EPHA6: variants seen among roughly 807,000 people sequenced by gnomAD.
The protein encoded by EPHA6 is ephrin type-A receptor 6.
Under a neutral mutation model 112.0 loss-of-function variants are expected in EPHA6, and 50 were observed. The ratio of observed to expected loss-of-function variants is 0.45; its 90% CI spans 0.36 to 0.56. The LOEUF is 0.56. Among genes scored for constraint, EPHA6 ranks in the 20% least tolerant of loss-of-function variants. The pLI, the probability that EPHA6 is intolerant of heterozygous loss-of-function variation, is 0.00. For missense variants in EPHA6, 1,280 were observed against 1,417.4 expected, an observed-to-expected ratio of 0.90 and a Z score of 1.56; for synonymous variants, 529 against 490.7, an observed-to-expected ratio of 1.08 and a Z score of -1.03.
chr3:96,996,422 C>T (rs967050117), intron 3 of EPHA6, among the ~76,000 whole-genome samples: 5 of 151,912 alleles, frequency 3.3e-5, no homozygotes, highest in South Asian at 2.1e-4. Flanking sequence ...TTTACTTTGC[C>T]GGATCCATTG....
At chr3:97,285,002 T>G (rs1306259100) in intron 5 of EPHA6, among the ~76,000 whole-genome samples, 1 of 152,124 alleles carries the variant, frequency 6.6e-6, no homozygotes. Context: ...CTAGTAGTTT[T>G]GGGAAATTTT....
At chr3:97,573,810 A>C (rs2093357039) in intron 11 of EPHA6, among the ~76,000 whole-genome samples, 1 of 152,158 alleles carries the variant, frequency 6.6e-6, no homozygotes, top group Non-Finnish European at 1.5e-5. Flanking sequence ...AGAGGGCAAA[A>C]TTAAGACCAA....
At chr3:97,016,930 T>C (rs376621574) in intron 3 of EPHA6, among the ~76,000 whole-genome samples, 10 of 152,216 alleles carry the variant, frequency 6.6e-5, no homozygotes, top group Admixed American at 1.3e-4. Flanking sequence ...TAGTAGAGCA[T>C]TGTTTGGATA....
intron 6 of EPHA6, among the ~76,000 whole-genome samples, chr3:97,411,317 G>A (rs2087700985): frequency 6.6e-6 from 1 of 151,776 alleles, no homozygotes; most frequent in Admixed American, 6.6e-5. Context: ...CTCTGACTGG[G>A]GCCAATACTG....
chr3:97,617,814 T>C (rs575803669), intron 13 of EPHA6, among the ~76,000 whole-genome samples: 1 of 152,208 alleles, frequency 6.6e-6, no homozygotes, highest in East Asian at 1.9e-4. Flanking sequence ...AGACTTAGAC[T>C]CCCACACAAT....
At chr3:96,864,539 G>T (rs1576177139) in intron 1 of EPHA6, among the ~76,000 whole-genome samples, 1 of 152,142 alleles carries the variant, frequency 6.6e-6, no homozygotes, top group East Asian at 1.9e-4. Flanking sequence ...CAGAGGATGG[G>T]GTAGGAAAGG....
chr3:97,191,139 T>C (rs548260561), intron 3 of EPHA6, among the ~76,000 whole-genome samples: 15 of 152,178 alleles, frequency 9.9e-5, no homozygotes, highest in Middle Eastern at 3.4e-3. Flanking sequence ...CAGTCCAAAC[T>C]GAGACAAATA....
intron 10 of EPHA6, among the ~76,000 whole-genome samples, chr3:97,494,778 A>C (rs566399849): frequency 6.6e-6 from 1 of 152,320 alleles, no homozygotes; most frequent in East Asian, 1.9e-4. Flanking sequence ...ACTTATACAA[A>C]GTAAACCTAA....
chr3:97,456,248 T>C (rs938053717), intron 7 of EPHA6, among the ~76,000 whole-genome samples: 1 of 152,124 alleles, frequency 6.6e-6, no homozygotes, highest in Non-Finnish European at 1.5e-5. Flanking sequence ...CTTTTGTTTC[T>C]TTTTTTAAAA....
At chr3:97,741,018 T>C (rs1432288344) in intron 16 of EPHA6, among the ~76,000 whole-genome samples, 1 of 152,034 alleles carries the variant, frequency 6.6e-6, no homozygotes, top group African/African-American at 2.4e-5. Context: ...ATATGAAAGA[T>C]GGATCAGGAG....
At chr3:97,407,491 T>C (rs1278948238) in intron 6 of EPHA6, among the ~76,000 whole-genome samples, 1 of 148,720 alleles carries the variant, frequency 6.7e-6, no homozygotes, top group African/African-American at 2.5e-5. Flanking sequence ...TGAGTGTGTT[T>C]GTGTGTGTGT....
At chr3:97,096,706 AT>A (rs1452665133) in intron 3 of EPHA6, among the ~76,000 whole-genome samples, 5 of 151,888 alleles carry the variant, frequency 3.3e-5, no homozygotes, top group Non-Finnish European at 7.4e-5. Flanking sequence ...TGATTCTTAA[AT>A]TTTCTTAAGT....
intron 2 of EPHA6, among the ~76,000 whole-genome samples, chr3:96,920,308 A>G (rs1430582013): frequency 6.6e-6 from 1 of 151,972 alleles, no homozygotes; most frequent in Non-Finnish European, 1.5e-5. Context: ...AAGAAAAGGT[A>G]CAGCAGATTT....
chr3:96,986,447 T>C (rs914721168), intron 2 of EPHA6, among the ~76,000 whole-genome samples: 2 of 152,174 alleles, frequency 1.3e-5, no homozygotes, highest in Non-Finnish European at 1.5e-5. Context: ...CTTCCTCAAA[T>C]ATACCTGTAC....
At chr3:97,628,955 T>C (rs1196262156) in intron 13 of EPHA6, among the ~76,000 whole-genome samples, 1 of 152,014 alleles carries the variant, frequency 6.6e-6, no homozygotes, top group African/African-American at 2.4e-5. Flanking sequence ...TTTATTTATT[T>C]ATTTGGAGCC....
At chr3:97,084,927 A>T (rs1315161340) in intron 3 of EPHA6, among the ~76,000 whole-genome samples, 1 of 152,182 alleles carries the variant, frequency 6.6e-6, no homozygotes, top group Admixed American at 6.5e-5. Context: ...GTGAGTCAAG[A>T]ATAATATTTT....
At chr3:97,700,815 C>G (rs992509089) in intron 14 of EPHA6, among the ~76,000 whole-genome samples, 1 of 152,082 alleles carries the variant, frequency 6.6e-6, no homozygotes, top group Non-Finnish European at 1.5e-5. Context: ...AATAGATGTA[C>G]AAAGATGTAA....
chr3:97,575,981 G>T (rs2093380525), intron 11 of EPHA6, among the ~76,000 whole-genome samples: 1 of 152,104 alleles, frequency 6.6e-6, no homozygotes, highest in South Asian at 2.1e-4. Context: ...TGAGGAAGTG[G>T]TCTAAATGAA....
intron 3 of EPHA6, among the ~76,000 whole-genome samples, chr3:97,045,287 G>T (rs1428047557): frequency 6.6e-6 from 1 of 151,878 alleles, no homozygotes; most frequent in Non-Finnish European, 1.5e-5. Context: ...TCATTATATA[G>T]TTCAGTCAAG....
Sources: gnomAD v4.1 joint callset for allele counts (sites outside exome capture counted in the v4.1 genomes callset) on GRCh38, gnomAD v4.1.1 for gene constraint, MANE v1.5 for transcripts, NCBI Gene and HGNC (gene_info 2026-07-23, HGNC 2026-07-21) for gene names.